The following PRKCD variants were observed in gnomAD, a reference collection of about 807,000 sequenced individuals.
The protein encoded by PRKCD is protein kinase C delta type.
In PRKCD, 20 loss-of-function variants were observed where a neutral mutation model predicts 82.2. That is an observed-to-expected ratio of 0.24 (90% CI 0.17 to 0.35). The LOEUF (loss-of-function observed/expected upper bound fraction) is 0.35. PRKCD is among the 10% of genes least tolerant of loss of function. PRKCD has a pLI of 1.00. For synonymous variants in PRKCD, 317 were observed against 337.0 expected (o/e 0.94, Z 0.65); for missense variants, 607 against 899.0 (o/e 0.68, Z 4.15).
In PRKCD at chr3:53,178,494, C is replaced by T; in HGVS notation, c.72C>T (p.Asn24=). 2 of 1,613,322 alleles carry T rather than the reference C, an allele frequency of 1.2e-6. No homozygotes were observed. The highest frequency in any genetic ancestry group is 1.3e-5 in the African/African-American group (1 of 75,054). Reference sequence around the variant, plus strand: ...CCCTGCAGGCCGAGGACGAGGCGAACCAGCCCTTCTGTGCCGTGAAGATGA... The same window carrying T: ...CCCTGCAGGCCGAGGACGAGGCGAATCAGCCCTTCTGTGCCGTGAAGATGA... The part of the protein sequence containing the change: ...LGSLQAEDEA[N]QPFCAVKMKE... The change falls in exon 3 of 19, where the codon AAC becomes AAT. Residue 24 remains asparagine, a synonymous_variant. Transcript: ENST00000330452.
At chr3:53,165,041 G>A (rs1702789183) in intron 1 of PRKCD, 63 bp from the exon 2 acceptor site, 1 of 152,238 alleles carries the variant, frequency 6.6e-6, no homozygotes, top group Admixed American at 6.5e-5. Flanking sequence ...GCTGGGACTG[G>A]TAGACGGGGA....
chr3:53,190,041 C>T (rs1157458405), intron 18 of PRKCD, 40 bp downstream of exon 18: 2 of 1,611,732 alleles, frequency 1.2e-6, no homozygotes, highest in Admixed American at 1.7e-5. Context: ...GGCTGAGCTA[C>T]TCCTCTCCTG....
intron 14 of PRKCD, among the ~76,000 whole-genome samples, chr3:53,187,054 C>G (rs1296528429): frequency 6.6e-6 from 1 of 151,288 alleles, no homozygotes; most frequent in Admixed American, 6.6e-5. Context: ...CCAAACTAAC[C>G]GTGTATGTGT....
chr3:53,189,730 G>A, intron 17 of PRKCD, 143 bp from the exon 18 acceptor site: 2 of 1,125,140 alleles, frequency 1.8e-6, no homozygotes, highest in South Asian at 2.8e-5. Flanking sequence ...AGGCCAGAGT[G>A]GCCTCCCTCA....
chr3:53,187,921 T>C (rs1263884445), intron 15 of PRKCD, among the ~76,000 whole-genome samples: 2 of 152,124 alleles, frequency 1.3e-5, no homozygotes, highest in Non-Finnish European at 1.5e-5. Flanking sequence ...GCGCGATGGC[T>C]CACGCCTGTA....
chr3:53,180,293 C>T (rs1340246783), intron 4 of PRKCD, among the ~76,000 whole-genome samples: 2 of 152,230 alleles, frequency 1.3e-5, no homozygotes, highest in East Asian at 1.9e-4. Context: ...TTGGAATCTT[C>T]GCATATATTC....
chr3:53,171,249 A>C (rs1553664874), intron 2 of PRKCD, among the ~76,000 whole-genome samples: 1 of 151,650 alleles, frequency 6.6e-6, no homozygotes, highest in African/African-American at 2.4e-5. Context: ...TGAGCCCAGG[A>C]CTCCTCATAT....
chr3:53,183,008 C>A, intron 7 of PRKCD, 113 bp from the exon 8 acceptor site: 3 of 1,049,050 alleles, frequency 2.9e-6, no homozygotes, highest in South Asian at 1.4e-5. Context: ...TGTGGGCGGT[C>A]AGGAGAACGG....
intron 2 of PRKCD, among the ~76,000 whole-genome samples, chr3:53,172,652 C>T (rs1359678072): frequency 6.6e-6 from 1 of 152,224 alleles, no homozygotes; most frequent in African/African-American, 2.4e-5. Flanking sequence ...GGGACATCCC[C>T]TGCTCCCCGG....
Position 53,189,153 on chromosome 3 carries a change from T to C in PRKCD, c.1650T>C (p.Gly550=). Residue 550 remains glycine, a synonymous_variant, in exon 17 of 19, where the codon GGT becomes GGC. Transcript: ENST00000330452. The stretch of plus-strand genomic sequence containing the variant: ...TCATTGGCCAGTCCCCCTTCCATGG[T>C]GATGATGAGGATGAACTCTTCGAGT... ...EMLIGQSPFH[G]DDEDELFESI... The C allele has an allele frequency of 6.2e-7, 1 of 1,614,002 alleles. No homozygotes were observed. Among genetic ancestry groups the C allele is most frequent in the Non-Finnish European group, 8.5e-7 (1 of 1,179,976 alleles).
intron 8 of PRKCD, 21 bp downstream of exon 8, chr3:53,183,227 G>C: frequency 1.2e-6 from 2 of 1,612,614 alleles, no homozygotes; most frequent in Non-Finnish European, 8.5e-7. Flanking sequence ...GTCCGGGGCA[G>C]GGCTGGGGAT....
chr3:53,178,252 T>C (rs1703285321), intron 2 of PRKCD, among the ~76,000 whole-genome samples, 152 bp from the exon 3 acceptor site: 1 of 152,202 alleles, frequency 6.6e-6, no homozygotes, highest in African/African-American at 2.4e-5. Context: ...TCTCAGTTTT[T>C]AACACTGGCA....
chr3:53,190,394 A>G (rs1274315362), intron 18 of PRKCD, among the ~76,000 whole-genome samples: 4 of 152,216 alleles, frequency 2.6e-5, no homozygotes, highest in African/African-American at 9.6e-5. Context: ...TGGAGAGATA[A>G]GAAACTTGCA....
In PRKCD at chr3:53,189,152, G is replaced by A; in HGVS notation, c.1649G>A (p.Gly550Asp). Residue 550 changes from glycine (G) to aspartate (D), a missense_variant, in exon 17 of 19, where the codon GGT becomes GAT. Physicochemically the swap from Gly to Asp is moderately conservative, Grantham distance 94. This residue lies in a region of PRKCD where 251 missense variants were observed against 423.9 expected (regional missense o/e 0.59). Coordinates refer to ENST00000330452, the MANE Select transcript of PRKCD (RefSeq NM_006254.4). ...EMLIGQSPFHGDDEDELFESI... is the reference protein window; with the variant it reads ...EMLIGQSPFHDDDEDELFESI... ...CTCATTGGCCAGTCCCCCTTCCATGGTGATGATGAGGATGAACTCTTCGAG... is the reference window on the plus strand; with the variant it reads ...CTCATTGGCCAGTCCCCCTTCCATGATGATGATGAGGATGAACTCTTCGAG... 6.2e-7 allele frequency: 1 copy of A among 1,614,202 alleles called. No homozygotes were observed. The highest frequency in any genetic ancestry group is 1.1e-5 in the South Asian group (1 of 91,074).
At position 53,184,487 on chromosome 3, in the gene PRKCD, C is replaced by A. The variant is rs183780017; in HGVS notation, c.788-387C>A. Among the ~76,000 whole-genome samples the A allele has an allele frequency of 2.6e-3, 394 of 152,108 alleles. 1 individual carries two copies. The highest frequency in any genetic ancestry group is 4.3e-3 in the Non-Finnish European group (294 of 68,010). On this transcript the variant is annotated intron_variant, in intron 9 of 18. Coordinates refer to ENST00000330452, the MANE Select transcript of PRKCD (RefSeq NM_006254.4). ...GGTGGGGAGTTCGAGACCAGCCTGG[C>A]TAACATGGAAAAACCCCGTCTCTAC... is the stretch of plus-strand genomic sequence containing the variant.
chr3:53,185,839 C>T, intron 11 of PRKCD, 88 bp from the exon 12 acceptor site: 1 of 1,533,240 alleles, frequency 6.5e-7, no homozygotes, highest in South Asian at 1.1e-5. Context: ...CTCTCTGAGG[C>T]CCCTTCCCCC....
chr3:53,172,178 G>T (rs536988957), intron 2 of PRKCD, among the ~76,000 whole-genome samples: 1 of 152,186 alleles, frequency 6.6e-6, no homozygotes, highest in Non-Finnish European at 1.5e-5. Flanking sequence ...GGCCCTGGTG[G>T]AGGAACCCTA....
At chr3:53,168,544 C>T (rs1702907788) in intron 2 of PRKCD, among the ~76,000 whole-genome samples, 1 of 152,068 alleles carries the variant, frequency 6.6e-6, no homozygotes, top group South Asian at 2.1e-4. Context: ...TGAATCCTTG[C>T]TCAATATTTA....
chr3:53,186,059 A>G, intron 12 of PRKCD, 32 bp downstream of exon 12: 2 of 1,612,740 alleles, frequency 1.2e-6, no homozygotes, highest in East Asian at 2.2e-5. Context: ...CCTGCTTCCC[A>G]CCCCACCCTG....
Sources: allele counts gnomAD v4.1 joint callset (sites outside exome capture counted in the v4.1 genomes callset), GRCh38; gene constraint gnomAD v4.1.1; regional missense constraint gnomAD v4.1.1; transcripts MANE v1.5; gene names NCBI Gene and HGNC (gene_info 2026-07-23, HGNC 2026-07-21).